AGXT2: variants seen among roughly 807,000 people sequenced by gnomAD.
AGXT2 encodes alanine--glyoxylate aminotransferase 2, mitochondrial.
Under a neutral mutation model 62.5 loss-of-function variants are expected in AGXT2, and 61 were observed. The ratio of observed to expected loss-of-function variants is 0.98; its 90% CI spans 0.79 to 1.21. AGXT2 has a LOEUF of 1.21. Ranked by LOEUF, AGXT2 falls within the 50% of genes most tolerant of loss-of-function variation. The probability of loss-of-function intolerance (pLI) is 0.00; values close to 1 mark genes in which losing one functional copy is unlikely to be tolerated. For synonymous variants in AGXT2, 243 were observed against 218.7 expected, an observed-to-expected ratio of 1.11 and a Z score of -0.98; for missense variants, 666 against 641.5, an observed-to-expected ratio of 1.04 and a Z score of -0.41.
chr5:35,011,282 A>C (rs921735077), intron 11 of AGXT2, among the ~76,000 whole-genome samples: 4 of 152,126 alleles, frequency 2.6e-5, no homozygotes, highest in Admixed American at 2.0e-4. Context: ...CAACATGGTG[A>C]AACCCCATCT....
At chr5:35,005,808 T>C (rs939033879) in intron 12 of AGXT2, among the ~76,000 whole-genome samples, 2 of 152,096 alleles carry the variant, frequency 1.3e-5, no homozygotes, top group African/African-American at 2.4e-5. Flanking sequence ...TTGATGAATG[T>C]ATAATGGACC....
intron 12 of AGXT2, among the ~76,000 whole-genome samples, chr5:35,006,531 T>C (rs1330968663): frequency 6.6e-6 from 1 of 151,952 alleles, no homozygotes; most frequent in African/African-American, 2.4e-5. Context: ...TGCCATACAT[T>C]TTTAAACAAC....
At chr5:35,043,678 A>G (rs1768072072) in intron 1 of AGXT2, among the ~76,000 whole-genome samples, 2 of 152,042 alleles carry the variant, frequency 1.3e-5, no homozygotes, top group South Asian at 4.1e-4. Context: ...AACCATAGGC[A>G]CCAGCCACCA....
chr5:35,040,875 G>GA (rs3215066), intron 1 of AGXT2, among the ~76,000 whole-genome samples: 22,180 of 151,818 alleles, frequency 0.15, 2,123 homozygotes, highest in South Asian at 0.22. Flanking sequence ...ATATAGTCTG[G>GA]AAAAAAAATC....
intron 1 of AGXT2, 108 bp downstream of exon 1, chr5:35,047,697 C>G: frequency 7.0e-7 from 1 of 1,427,480 alleles, no homozygotes; most frequent in Non-Finnish European, 9.5e-7. Flanking sequence ...ATCTCTAAGA[C>G]CTCACCCAGG....
chr5:35,019,440 A>C (rs1348611329), intron 9 of AGXT2, among the ~76,000 whole-genome samples: 1 of 151,112 alleles, frequency 6.6e-6, no homozygotes, highest in Non-Finnish European at 1.5e-5. Context: ...CCGCTCAACT[A>C]CATGGAAACT....
chr5:35,003,730 A>C, intron 13 of AGXT2, 33 bp downstream of exon 13: 4 of 1,573,046 alleles, frequency 2.5e-6, no homozygotes, highest in Non-Finnish European at 3.5e-6. Flanking sequence ...ACTCCTACCT[A>C]GAGCGATAGG....
At chr5:35,014,746 G>T (rs1325846318) in intron 9 of AGXT2, among the ~76,000 whole-genome samples, 1 of 152,194 alleles carries the variant, frequency 6.6e-6, no homozygotes, top group South Asian at 2.1e-4. Context: ...TTATGACAGG[G>T]ATCATTATGA....
chr5:35,030,667 T>G (rs1050186016), intron 7 of AGXT2, among the ~76,000 whole-genome samples: 1 of 152,208 alleles, frequency 6.6e-6, no homozygotes, highest in African/African-American at 2.4e-5. Context: ...TTGGCTTAAG[T>G]AGTCCTATAG....
intron 9 of AGXT2, among the ~76,000 whole-genome samples, chr5:35,018,446 A>G (rs1766934243): frequency 6.6e-6 from 1 of 152,222 alleles, no homozygotes; most frequent in Admixed American, 6.5e-5. Context: ...AGAATTTTAA[A>G]CCCAGAATTT....
chr5:35,021,907 G>T (rs1455505453), intron 9 of AGXT2, among the ~76,000 whole-genome samples: 1 of 152,122 alleles, frequency 6.6e-6, no homozygotes, highest in Non-Finnish European at 1.5e-5. Flanking sequence ...TCAACAATTG[G>T]GTGAAGGATA....
chr5:35,027,142 T>C (rs1386841960), intron 7 of AGXT2: 5 of 411,888 alleles, frequency 1.2e-5, no homozygotes, highest in African/African-American at 1.1e-4. Context: ...CTATACTTTG[T>C]TCATTTCTAA....
intron 7 of AGXT2, among the ~76,000 whole-genome samples, chr5:35,030,507 T>TC (rs1433597721): frequency 9.8e-4 from 73 of 74,706 alleles, no homozygotes; most frequent in South Asian, 8.0e-3. Context: ...AGACTTTGTC[T>TC]CAAAAAAAAA....
At chr5:35,042,943 C>G (rs1579516934) in intron 1 of AGXT2, among the ~76,000 whole-genome samples, 1 of 152,262 alleles carries the variant, frequency 6.6e-6, no homozygotes, top group African/African-American at 2.4e-5. Flanking sequence ...ATCCAATTCA[C>G]CAGTTTTCAC....
At chr5:35,024,376 G>T (rs1009054219) in intron 9 of AGXT2, among the ~76,000 whole-genome samples, 4 of 152,098 alleles carry the variant, frequency 2.6e-5, no homozygotes, top group Non-Finnish European at 5.9e-5. Context: ...TCATCCTCTG[G>T]TCTTTTAATC....
At chr5:35,047,215 G>C (rs1209007241) in intron 1 of AGXT2, among the ~76,000 whole-genome samples, 1 of 152,238 alleles carries the variant, frequency 6.6e-6, no homozygotes, top group African/African-American at 2.4e-5. Context: ...GAAGTGAGAG[G>C]ATTGCTTGAG....
chr5:35,023,625 C>T (rs1437511277), intron 9 of AGXT2, among the ~76,000 whole-genome samples: 2 of 152,172 alleles, frequency 1.3e-5, no homozygotes, highest in Admixed American at 1.3e-4. Flanking sequence ...TAATTTCAAG[C>T]TGACTGGATA....
chr5:35,000,900 A>T (rs1391043514), intron 13 of AGXT2, among the ~76,000 whole-genome samples: 1 of 152,220 alleles, frequency 6.6e-6, no homozygotes, highest in African/African-American at 2.4e-5. Context: ...AAAGTGATAC[A>T]CATTAGTAGA....
At chr5:35,013,665 G>A (rs1277170283) in intron 10 of AGXT2, among the ~76,000 whole-genome samples, 4 of 151,936 alleles carry the variant, frequency 2.6e-5, no homozygotes, top group East Asian at 1.9e-4. Context: ...ACCTGTAATC[G>A]CAGCTACTCA....
Sources: gnomAD v4.1 joint callset for allele counts (sites outside exome capture counted in the v4.1 genomes callset) on GRCh38, gnomAD v4.1.1 for gene constraint, MANE v1.5 for transcripts, NCBI Gene and HGNC (gene_info 2026-07-23, HGNC 2026-07-21) for gene names.